Variants in GUCY2F observed in about 807,000 individuals in gnomAD.
The protein encoded by GUCY2F is retinal guanylyl cyclase 2.
In GUCY2F, 61 loss-of-function variants were observed where a neutral mutation model predicts 73.1. The observed-to-expected ratio is 0.83, with a 90% CI of 0.68 to 1.03. The LOEUF (loss-of-function observed/expected upper bound fraction) is 1.03. GUCY2F is among the 50% of genes least tolerant of loss of function. GUCY2F has a pLI of 0.00. For synonymous variants in GUCY2F, 331 were observed against 307.8 expected (o/e 1.08, Z -0.79); for missense variants, 912 against 854.3 (o/e 1.07, Z -0.84).
chrX:109,469,750 C>A (rs1287355222), intron 2 of GUCY2F, among the ~76,000 whole-genome samples: 1 of 111,298 alleles, frequency 9.0e-6, no homozygotes, highest in African/African-American at 3.3e-5. Flanking sequence ...CATTCCTACA[C>A]TCTCCCTCTC....
chrX:109,444,777 A>G (rs1048127053), intron 6 of GUCY2F, among the ~76,000 whole-genome samples: 2 of 112,259 alleles, frequency 1.8e-5, no homozygotes, highest in African/African-American at 6.5e-5. Flanking sequence ...CTACTGAGTT[A>G]TAGCCGATTG....
chrX:109,405,805 G>C (rs937287305), intron 9 of GUCY2F, among the ~76,000 whole-genome samples: 1 of 111,693 alleles, frequency 9.0e-6, no homozygotes, highest in South Asian at 3.8e-4. Flanking sequence ...AAAAGTACTA[G>C]AATAAGAATC....
At chrX:109,394,370 A>T (rs959992665) in intron 12 of GUCY2F, among the ~76,000 whole-genome samples, 2 of 112,130 alleles carry the variant, frequency 1.8e-5, no homozygotes, top group African/African-American at 6.5e-5. Flanking sequence ...CTTCCATACT[A>T]TTGAACACCT....
intron 8 of GUCY2F, among the ~76,000 whole-genome samples, chrX:109,424,057 T>C (rs1931429502): frequency 8.9e-6 from 1 of 112,038 alleles, no homozygotes; most frequent in African/African-American, 3.2e-5. Context: ...AGAACATCAT[T>C]ACAGATCCTA....
At chrX:109,448,014 G>T in intron 6 of GUCY2F, 55 bp downstream of exon 6, 1 of 591,846 alleles carries the variant, frequency 1.7e-6, no homozygotes, top group Non-Finnish European at 2.9e-6. Context: ...GTAATTATTT[G>T]TGGCTTGTGG....
At chrX:109,387,667 C>G (rs762272633) in intron 15 of GUCY2F, among the ~76,000 whole-genome samples, 2 of 111,796 alleles carry the variant, frequency 1.8e-5, no homozygotes, top group Non-Finnish European at 1.9e-5. Flanking sequence ...AATTATCAGA[C>G]AGTGGTAGGA....
intron 3 of GUCY2F, among the ~76,000 whole-genome samples, chrX:109,463,902 A>T (rs187389838): frequency 8.9e-6 from 1 of 112,205 alleles, no homozygotes; most frequent in African/African-American, 3.2e-5. Context: ...TGTAAAGTGG[A>T]AAGATGAACA....
intron 8 of GUCY2F, among the ~76,000 whole-genome samples, chrX:109,428,306 G>A (rs1486411115): frequency 8.9e-5 from 10 of 112,081 alleles, no homozygotes; most frequent in Non-Finnish European, 1.7e-4. Context: ...CCAGTAATGG[G>A]ATGATCAACA....
At chrX:109,407,608 C>T (rs1042242330) in intron 9 of GUCY2F, among the ~76,000 whole-genome samples, 3 of 112,912 alleles carry the variant, frequency 2.7e-5, no homozygotes, top group Non-Finnish European at 5.6e-5. Context: ...CCTGGAGGCC[C>T]AGGAGGAAAA....
intron 6 of GUCY2F, among the ~76,000 whole-genome samples, chrX:109,446,388 C>T (rs1603384075): frequency 8.9e-6 from 1 of 111,969 alleles, no homozygotes; most frequent in East Asian, 2.8e-4. Flanking sequence ...TACAAGGCTA[C>T]AGTAACCAAA....
Position 109,475,922 on chromosome X carries a change from G to A in GUCY2F, c.15C>T (p.Leu5=). Residue 5 remains leucine, a synonymous_variant, in exon 2 of 20, where the codon CTC becomes CTT. Coordinates refer to ENST00000218006, the MANE Select transcript of GUCY2F (RefSeq NM_001522.3). ...AGAGAACAAGGCGAGAAAAGCGCCCGAGTCCCAGGAACATAGCCCTCCTGC... is the reference window on the plus strand; with the variant it reads ...AGAGAACAAGGCGAGAAAAGCGCCCAAGTCCCAGGAACATAGCCCTCCTGC... The part of the protein sequence containing the change: MFLG[L]GRFSRLVLWF... The A allele has an allele frequency of 8.3e-7, 1 of 1,203,657 alleles. No homozygotes were observed. Among genetic ancestry groups the A allele is most frequent in the Non-Finnish European group, 1.1e-6 (1 of 891,948 alleles).
rs759033038 is a variant in GUCY2F, at chrX:109,374,860, G to A, written c.*1+1038C>T. ...GCCTTTGTGATGCATAAATGTTTACGACTAGTTCAGAGTACCTGTTATTGT... is the reference window on the plus strand; with the variant it reads ...GCCTTTGTGATGCATAAATGTTTACAACTAGTTCAGAGTACCTGTTATTGT... On this transcript the variant is annotated intron_variant, in intron 19 of 19. Transcript: ENST00000218006. Among the ~76,000 whole-genome samples, 5 of 112,222 alleles carry A rather than the reference G, an allele frequency of 4.5e-5. No individual in the cohort carries two copies. In the East Asian group the frequency reaches 8.4e-4, roughly 19 times the overall value.
At chrX:109,397,929 T>A (rs779086701) in intron 11 of GUCY2F, among the ~76,000 whole-genome samples, 31 of 111,092 alleles carry the variant, frequency 2.8e-4, no homozygotes, top group African/African-American at 9.5e-4. Context: ...TGTGCTGTAT[T>A]ACTGGTAATA....
intron 6 of GUCY2F, among the ~76,000 whole-genome samples, chrX:109,445,708 G>T (rs949610703): frequency 9.0e-6 from 1 of 111,089 alleles, no homozygotes; most frequent in Non-Finnish European, 1.9e-5. Context: ...CTTTGAAAAC[G>T]GGCACAAGAC....
intron 1 of GUCY2F, among the ~76,000 whole-genome samples, chrX:109,481,330 G>A (rs1231051097): frequency 8.9e-6 from 1 of 112,156 alleles, no homozygotes; most frequent in African/African-American, 3.2e-5. Context: ...ACTCAGGTGT[G>A]AACACCTGCA....
intron 14 of GUCY2F, among the ~76,000 whole-genome samples, chrX:109,389,470 C>T (rs1310160222): frequency 8.9e-6 from 1 of 111,798 alleles, no homozygotes. Context: ...CCATGTGTTC[C>T]CAGAGAACTG....
intron 13 of GUCY2F, 127 bp downstream of exon 13, chrX:109,392,765 G>A: frequency 2.3e-6 from 1 of 439,096 alleles, no homozygotes; most frequent in Admixed American, 3.6e-5. Flanking sequence ...AGCCCACTAG[G>A]AGAAGAGAAG....
At position 109,475,226 on chromosome X, in the gene GUCY2F, GTGAA is replaced by G. The variant is rs766200329; in HGVS notation, c.707_710del (p.Ile236ThrfsTer8). 1.7e-6 allele frequency: 2 copies of G among 1,203,698 alleles called. No individual in the cohort carries two copies. The highest frequency in any genetic ancestry group is 2.2e-6 in the Non-Finnish European group (2 of 890,380). On this transcript the variant is annotated frameshift_variant, in exon 2 of 20. Coordinates refer to ENST00000218006, the MANE Select transcript of GUCY2F (RefSeq NM_001522.3). LOFTEE classifies it high-confidence loss of function. ...ACTCACTGCGAATTCTGTCTGCCTGGTGAATCCTCTGGAGGGCTTTCCGCATGCT... is the reference window on the plus strand; with the variant it reads ...ACTCACTGCGAATTCTGTCTGCCTGGTCCTCTGGAGGGCTTTCCGCATGCT...
chrX:109,446,257 A>G (rs773424691), intron 6 of GUCY2F, among the ~76,000 whole-genome samples: 6 of 112,215 alleles, frequency 5.3e-5, no homozygotes, highest in Non-Finnish European at 9.4e-5. Flanking sequence ...CTTTCTTCAC[A>G]GAATTGGAAA....
Sources: allele counts gnomAD v4.1 joint callset (sites outside exome capture counted in the v4.1 genomes callset), GRCh38; gene constraint gnomAD v4.1.1; transcripts MANE v1.5; gene names NCBI Gene and HGNC (gene_info 2026-07-23, HGNC 2026-07-21).